GXYLT2: variants seen among roughly 807,000 people sequenced by gnomAD.
The protein encoded by GXYLT2 is glucoside xylosyltransferase 2, also known as glycosyltransferase 8 domain containing 4.
Under a neutral mutation model 45.8 loss-of-function variants are expected in GXYLT2, and 53 were observed. The observed-to-expected ratio is 1.16, with a 90% CI of 0.93 to 1.46. GXYLT2 has a LOEUF of 1.46. Ranked by LOEUF, GXYLT2 falls within the 40% of genes most tolerant of loss-of-function variation. The pLI, the probability that GXYLT2 is intolerant of heterozygous loss-of-function variation, is 0.00. For missense variants in GXYLT2, 551 were observed against 544.4 expected (o/e 1.01, Z -0.12); for synonymous variants, 219 against 214.2 (o/e 1.02, Z -0.19).
In GXYLT2 at chr3:72,909,987, C is replaced by T. The variant is rs376270734; in HGVS notation, c.468+1428C>T. 6.6e-5 allele frequency among the ~76,000 whole-genome samples: 10 copies of T among 152,116 alleles called. 1 individual carries two copies. The East Asian group carries it at 1.2e-3, about 18-fold the overall frequency. ...AAAAAAAGTACCTTGACATCTTTAC[C>T]AAGAGAAACCATGGAGGAAATAGTC... On this transcript the variant is annotated intron_variant, in intron 2 of 6. Transcript: ENST00000389617.
chr3:72,893,756 GA>G (rs1709228399), intron 1 of GXYLT2, among the ~76,000 whole-genome samples: 1 of 152,204 alleles, frequency 6.6e-6, no homozygotes, highest in Admixed American at 6.5e-5. Context: ...CCCTTTCGAA[GA>G]ATAGTGAGGG....
chr3:72,888,353 G>A lies in GXYLT2; in HGVS notation c.120G>A (p.Ala40=). Residue 40 remains alanine, a synonymous_variant, in exon 1 of 7, where the codon GCG becomes GCA. Coordinates refer to ENST00000389617, the MANE Select transcript of GXYLT2 (RefSeq NM_001080393.2). The part of the protein sequence containing the change: ...AEPPALPARP[A]SAPQRHPAPV... ...CCCCAGCGCTGCCCGCGCGCCCCGCGTCCGCCCCGCAGCGCCACCCCGCGC... is the reference window on the plus strand; with the variant it reads ...CCCCAGCGCTGCCCGCGCGCCCCGCATCCGCCCCGCAGCGCCACCCCGCGC... 1.0e-6 allele frequency: 1 copy of A among 983,058 alleles called. No individual in the cohort carries two copies. The allele number at this position is 983,058 out of a possible 1,614,324, so 60.9% of individuals were successfully genotyped here. A position where few individuals can be genotyped will look rare whatever the true frequency, so the allele number is the denominator to read the frequency against.
At chr3:72,911,322 T>C (rs980049773) in intron 2 of GXYLT2, among the ~76,000 whole-genome samples, 7 of 151,950 alleles carry the variant, frequency 4.6e-5, no homozygotes, top group Admixed American at 4.6e-4. Flanking sequence ...GGAAGGAAGA[T>C]GTATACGTGC....
chr3:72,931,710 C>T (rs1367930099), intron 3 of GXYLT2, among the ~76,000 whole-genome samples: 1 of 151,890 alleles, frequency 6.6e-6, no homozygotes, highest in Non-Finnish European at 1.5e-5. Context: ...ATAGCCTAAC[C>T]TTCCACTTTA....
At chr3:72,924,504 C>T (rs559452260) in intron 3 of GXYLT2, among the ~76,000 whole-genome samples, 15 of 152,236 alleles carry the variant, frequency 9.9e-5, no homozygotes, top group African/African-American at 2.9e-4. Context: ...GCACTCAGCC[C>T]AGTCTTTTTC....
intron 2 of GXYLT2, among the ~76,000 whole-genome samples, chr3:72,916,814 G>A (rs930804094): frequency 2.0e-5 from 3 of 151,398 alleles, no homozygotes; most frequent in Non-Finnish European, 2.9e-5. Context: ...GAGCCACCTC[G>A]CCCAGCCGCA....
intron 1 of GXYLT2, among the ~76,000 whole-genome samples, chr3:72,889,109 C>T (rs1709127114): frequency 6.6e-6 from 1 of 151,258 alleles, no homozygotes; most frequent in South Asian, 2.1e-4. Flanking sequence ...TCAAAGGGTC[C>T]TCCTACAAGA....
At chr3:72,906,292 C>T (rs1224409201) in intron 1 of GXYLT2, among the ~76,000 whole-genome samples, 2 of 152,072 alleles carry the variant, frequency 1.3e-5, no homozygotes, top group Non-Finnish European at 2.9e-5. Flanking sequence ...TTCTGCTGTC[C>T]CCTCTGCGTG....
intron 3 of GXYLT2, among the ~76,000 whole-genome samples, chr3:72,941,677 G>A (rs1449418860): frequency 6.6e-6 from 1 of 151,776 alleles, no homozygotes; most frequent in Non-Finnish European, 1.5e-5. Context: ...ACACATGCCC[G>A]CACAGTCCTG....
At chr3:72,896,575 G>A (rs1391779121) in intron 1 of GXYLT2, among the ~76,000 whole-genome samples, 2 of 151,658 alleles carry the variant, frequency 1.3e-5, no homozygotes, top group Admixed American at 6.6e-5. Context: ...GTGGCCAGGC[G>A]CGGTGGCTTA....
chr3:72,930,592 C>CTTTTTTTTT (rs71126806), intron 3 of GXYLT2, among the ~76,000 whole-genome samples: 10 of 101,612 alleles, frequency 9.8e-5, no homozygotes, highest in Non-Finnish European at 1.3e-4. Context: ...TCTTCTTCTT[C>CTTTTTTTTT]TTTTTTTTTT....
intron 2 of GXYLT2, among the ~76,000 whole-genome samples, chr3:72,913,220 A>G (rs1709668522): frequency 6.7e-6 from 1 of 150,366 alleles, no homozygotes; most frequent in African/African-American, 2.4e-5. Flanking sequence ...TTGTATTTTT[A>G]GTAGAGACGG....
At chr3:72,957,718 G>A (rs1710676623) in intron 5 of GXYLT2, among the ~76,000 whole-genome samples, 1 of 152,172 alleles carries the variant, frequency 6.6e-6, no homozygotes, top group South Asian at 2.1e-4. Context: ...TTGCTAGATT[G>A]AAGGGAATTG....
chr3:72,965,217 A>G (rs1470243242), intron 5 of GXYLT2, among the ~76,000 whole-genome samples: 1 of 152,228 alleles, frequency 6.6e-6, no homozygotes, highest in Non-Finnish European at 1.5e-5. Context: ...GGATGCCTAA[A>G]TGTCACTGTC....
rs1224047653 is a variant in GXYLT2, at chr3:72,888,394, G to A, written c.161G>A (p.Trp54Ter). 5.0e-6 allele frequency: 5 copies of A among 996,402 alleles called. No individual in the cohort carries two copies. Among genetic ancestry groups the A allele is most frequent in the Non-Finnish European group, 6.0e-6 (5 of 839,072 alleles). The allele number at this position is 996,402 out of a possible 1,614,324, so 61.7% of individuals were successfully genotyped here. The change falls in exon 1 of 7, where the codon TGG (tryptophan) becomes TAG (stop). Residue 54 changes from tryptophan to a stop codon, truncating the protein, a stop_gained. Transcript: ENST00000389617. LOFTEE classifies it high-confidence loss of function. ...QRHPAPVPAR[W>*]PGPGALPGAS... ...CACCCCGCGCCTGTCCCCGCGCGCT[G>A]GCCGGGGCCGGGCGCCCTCCCCGGG...
chr3:72,889,650 T>G lies in GXYLT2; in HGVS notation c.275+1142T>G, dbSNP rs138377982. On this transcript the variant is annotated intron_variant, in intron 1 of 6. Transcript: ENST00000389617. Reference sequence around the variant, plus strand: ...TATCTTTGTTAGGAAATTAATAGGATTTCCCCTCTTCTATACTGGAGTTTC... The same window carrying G: ...TATCTTTGTTAGGAAATTAATAGGAGTTCCCCTCTTCTATACTGGAGTTTC... 1.7e-4 allele frequency among the ~76,000 whole-genome samples: 26 copies of G among 152,260 alleles called. No homozygotes were observed. In the East Asian group the frequency reaches 4.6e-3, roughly 27 times the overall value.
In GXYLT2 at chr3:72,955,258, G is replaced by A. The variant is rs200557116; in HGVS notation, c.761G>A (p.Arg254His). Residue 254 changes from arginine (R) to histidine (H), a missense_variant, in exon 4 of 7, where the codon CGC becomes CAC. Arg to His is a conservative substitution (Grantham distance 29). Transcript: ENST00000389617. ...HEIPKIGWYSRFARHPFYGSA... is the reference protein window; with the variant it reads ...HEIPKIGWYSHFARHPFYGSA... ...ATCCCCAAGATTGGCTGGTACAGCC[G>A]CTTTGCTAGGCATCCTTTCTATGGC... 7.4e-6 allele frequency: 12 copies of A among 1,613,940 alleles called. No individual in the cohort carries two copies. Among genetic ancestry groups the A allele is most frequent in the East Asian group, 6.7e-5 (3 of 44,880 alleles).
chr3:72,921,553 C>G (rs1026100473), intron 2 of GXYLT2, among the ~76,000 whole-genome samples: 14 of 152,032 alleles, frequency 9.2e-5, no homozygotes, highest in African/African-American at 3.1e-4. Context: ...CTCAGCCTCC[C>G]GAGTAGCTGG....
At chr3:72,888,574 G>A in intron 1 of GXYLT2, 66 bp downstream of exon 1, 1 of 1,032,988 alleles carries the variant, frequency 9.7e-7, no homozygotes, top group African/African-American at 1.7e-5. Context: ...CCCGTGCCAA[G>A]TCCAAGGGAG....
Sources: gnomAD v4.1 joint callset for allele counts (sites outside exome capture counted in the v4.1 genomes callset) on GRCh38, gnomAD v4.1.1 for gene constraint, MANE v1.5 for transcripts, NCBI Gene and HGNC (gene_info 2026-07-23, HGNC 2026-07-21) for gene names.